The following ADGRV1 variants were observed in gnomAD, a reference collection of about 807,000 sequenced individuals.
The protein encoded by ADGRV1 is G-protein coupled receptor 98.
Under a neutral mutation model 596.2 loss-of-function variants are expected in ADGRV1, and 359 were observed. That is an observed-to-expected ratio of 0.60 (90% confidence interval 0.55 to 0.66). ADGRV1 has a LOEUF of 0.66. Among genes scored for constraint, ADGRV1 ranks in the 30% least tolerant of loss-of-function variants. The pLI, the probability that ADGRV1 is intolerant of heterozygous loss-of-function variation, is 0.00. For synonymous variants in ADGRV1, 2,681 were observed against 2,679.2 expected, an observed-to-expected ratio of 1.00 and a Z score of -0.02; for missense variants, 7,274 against 7,575.6, an observed-to-expected ratio of 0.96 and a Z score of 1.48.
intron 1 of ADGRV1, among the ~76,000 whole-genome samples, chr5:90,565,420 T>C (rs1477775183): frequency 2.0e-5 from 3 of 152,232 alleles, no homozygotes; most frequent in Non-Finnish European, 4.4e-5. Flanking sequence ...GCATTTTGTA[T>C]AAATGGAATC....
intron 85 of ADGRV1, among the ~76,000 whole-genome samples, chr5:91,020,858 G>C (rs1489631532): frequency 1.3e-5 from 2 of 151,908 alleles, no homozygotes; most frequent in African/African-American, 4.8e-5. Flanking sequence ...TTATTTAAGG[G>C]GTACTGACTT....
At position 90,803,326 on chromosome 5, in the gene ADGRV1, G is replaced by A. The variant is rs191984035; in HGVS notation, c.14661+444G>A. Among the ~76,000 whole-genome samples, 6 of 152,256 alleles carry A rather than the reference G, an allele frequency of 3.9e-5. No homozygotes were observed. The East Asian group carries it at 9.7e-4, about 24-fold the overall frequency. ...GTATTTGCATCTTCTGTCTGAGGTC[G>A]TTGTAGGAAAGATTATTTCCCAATC... On this transcript the variant is annotated intron_variant, in intron 71 of 89. Transcript: ENST00000405460.
intron 16 of ADGRV1, among the ~76,000 whole-genome samples, chr5:90,647,295 G>A (rs1361649061): frequency 6.6e-6 from 1 of 152,164 alleles, no homozygotes; most frequent in Non-Finnish European, 1.5e-5. Flanking sequence ...ATGGATTTTT[G>A]TAGGATTAAG....
At chr5:90,599,175 G>A (rs923654090) in intron 1 of ADGRV1, among the ~76,000 whole-genome samples, 1 of 152,130 alleles carries the variant, frequency 6.6e-6, no homozygotes, top group Admixed American at 6.5e-5. Flanking sequence ...AAGTATGTTC[G>A]TGAAAGCCAA....
chr5:90,778,647 T>A (rs757873594), intron 63 of ADGRV1, 38 bp downstream of exon 63: 2 of 1,426,468 alleles, frequency 1.4e-6, no homozygotes, highest in Non-Finnish European at 1.9e-6. Flanking sequence ...ATATCATTTT[T>A]ATTTTTAGAT....
chr5:90,715,183 G>C (rs1749922784), intron 42 of ADGRV1, among the ~76,000 whole-genome samples: 1 of 152,174 alleles, frequency 6.6e-6, no homozygotes, highest in Non-Finnish European at 1.5e-5. Flanking sequence ...GTTTATTTGA[G>C]AGGTGATCTC....
In ADGRV1 at chr5:90,862,203, T is replaced by C. The variant is rs553353103; in HGVS notation, c.17756-1554T>C. On this transcript the variant is annotated intron_variant, in intron 82 of 89. Transcript: ENST00000405460. Reference sequence around the variant, plus strand: ...GCTCTTCTTGTGCACTAGAAAAAAGTTGACTTGTGTATGTCTCCTTGCTGA... The same window carrying C: ...GCTCTTCTTGTGCACTAGAAAAAAGCTGACTTGTGTATGTCTCCTTGCTGA... Among the ~76,000 whole-genome samples, 139 of 152,330 alleles carry C rather than the reference T, an allele frequency of 9.1e-4. 1 individual carries two copies. Among genetic ancestry groups the C allele is most frequent in the African/African-American group, 3.0e-3 (126 of 41,592 alleles).
Position 90,789,315 on chromosome 5 carries a change from G to A in ADGRV1, c.13894-387G>A, listed in dbSNP as rs1025713787. 2.0e-5 allele frequency among the ~76,000 whole-genome samples: 3 copies of A among 152,148 alleles called. No homozygotes were observed. In the East Asian group the frequency reaches 5.8e-4, roughly 29 times the overall value. On this transcript the variant is annotated intron_variant, in intron 68 of 89. Coordinates refer to ENST00000405460, the MANE Select transcript of ADGRV1 (RefSeq NM_032119.4). Reference sequence around the variant, plus strand: ...CTTGGCAAGCTGATACACAAAATTAGTCCTCACAGGGCCTGTTTGCTTCAC... The same window carrying A: ...CTTGGCAAGCTGATACACAAAATTAATCCTCACAGGGCCTGTTTGCTTCAC...
chr5:90,725,682 G>GTT, intron 48 of ADGRV1, 26 bp downstream of exon 48: 2 of 945,402 alleles, frequency 2.1e-6, no homozygotes, highest in East Asian at 2.7e-5. Context: ...AATGAAGTGG[G>GTT]TTTTTTTTTG....
intron 1 of ADGRV1, among the ~76,000 whole-genome samples, chr5:90,596,764 TCAGAGGGTGAC>T (rs1760708774): frequency 6.6e-6 from 1 of 152,014 alleles, no homozygotes; most frequent in Admixed American, 6.5e-5. Context: ...CCGCTCGGCA[TCAGAGGGTGAC>T]CGTGGAAAGA....
chr5:90,672,743 T>C lies in ADGRV1; in HGVS notation c.4929+21T>C, dbSNP rs199633024. On this transcript the variant is annotated intron_variant, in intron 22 of 89. Coordinates refer to ENST00000405460, the MANE Select transcript of ADGRV1 (RefSeq NM_032119.4). ...CAGAGGTAAACCCTACCTTTTTTGT[T>C]CCTTTGAAAGCCTCCTGGAAAGCTT... The C allele has an allele frequency of 6.4e-6, 10 of 1,553,596 alleles. No individual in the cohort carries two copies. In the South Asian group the frequency reaches 7.5e-5, roughly 12 times the overall value.
intron 18 of ADGRV1, 56 bp downstream of exon 18, chr5:90,651,786 A>G: frequency 8.8e-7 from 1 of 1,137,796 alleles, no homozygotes; most frequent in Non-Finnish European, 1.3e-6. Context: ...ACCATTAAGT[A>G]TGTGAAATTC....
intron 86 of ADGRV1, among the ~76,000 whole-genome samples, chr5:91,093,236 A>G (rs529890940): frequency 3.9e-5 from 6 of 152,368 alleles, no homozygotes; most frequent in African/African-American, 1.2e-4. Flanking sequence ...ATGCAGATCT[A>G]TCTATCCCTC....
chr5:90,581,591 T>C (rs1758064850), intron 1 of ADGRV1, among the ~76,000 whole-genome samples: 1 of 152,080 alleles, frequency 6.6e-6, no homozygotes. Context: ...AGTGAAATAT[T>C]GTTGCCTGAT....
chr5:90,618,014 CT>C, intron 3 of ADGRV1, 61 bp downstream of exon 3: 1 of 1,268,612 alleles, frequency 7.9e-7, no homozygotes, highest in Non-Finnish European at 1.1e-6. Context: ...TTATAAAAAT[CT>C]TTTAGTGCTT....
At chr5:90,765,870 T>G (rs971631140) in intron 59 of ADGRV1, among the ~76,000 whole-genome samples, 2 of 142,342 alleles carry the variant, frequency 1.4e-5, no homozygotes, top group African/African-American at 5.4e-5. Flanking sequence ...TGCCTGGCTG[T>G]TTTTTTTTTT....
Position 90,798,477 on chromosome 5 carries a change from C to T in ADGRV1, c.14518-4262C>T, listed in dbSNP as rs193275641. On this transcript the variant is annotated intron_variant, in intron 70 of 89. Coordinates refer to ENST00000405460, the MANE Select transcript of ADGRV1 (RefSeq NM_032119.4). ...AAAGTCCAGGCCAAGACGGATACAC[C>T]GCCGAATTCTACCAGAGGTACAAAG... 8.2e-3 allele frequency among the ~76,000 whole-genome samples: 1,242 copies of T among 152,158 alleles called. 15 individuals are homozygous for T. The highest frequency in any genetic ancestry group is 0.028 in the African/African-American group (1,168 of 41,510).
chr5:90,720,075 A>G lies in ADGRV1; in HGVS notation c.9475A>G (p.Thr3159Ala), dbSNP rs760973492. 6.2e-7 allele frequency: 1 copy of G among 1,613,730 alleles called. No homozygotes were observed. The highest frequency in any genetic ancestry group is 2.2e-5 in the East Asian group (1 of 44,846). ...CCTACAAATATCTGCCATATTAGAC[A>G]CGGAACCAGAAATGGATGAGTATTT... ...KALQISAILDTEPEMDEYFVC... is the reference protein window; with the variant it reads ...KALQISAILDAEPEMDEYFVC... Residue 3159 changes from threonine (T) to alanine (A), a missense_variant, in exon 44 of 90, where the codon ACG (threonine) becomes GCG (alanine). Physicochemically the swap from Thr to Ala is moderately conservative, Grantham distance 58. Transcript: ENST00000405460.
intron 83 of ADGRV1, among the ~76,000 whole-genome samples, chr5:90,898,527 A>G (rs1771533158): frequency 1.3e-5 from 2 of 152,198 alleles, no homozygotes; most frequent in Admixed American, 1.3e-4. Context: ...CCTCACTTTC[A>G]TAGCAAATAT....
Sources: gnomAD v4.1 joint callset for allele counts (sites outside exome capture counted in the v4.1 genomes callset) on GRCh38, gnomAD v4.1.1 for gene constraint, MANE v1.5 for transcripts, NCBI Gene and HGNC (gene_info 2026-07-23, HGNC 2026-07-21) for gene names.